The following RIMS2 variants were observed in gnomAD, a reference collection of about 807,000 sequenced individuals.
RIMS2 encodes regulating synaptic membrane exocytosis 2, also known as regulating synaptic membrane exocytosis protein 2.
Under a neutral mutation model 174.4 loss-of-function variants are expected in RIMS2, and 59 were observed. The observed-to-expected ratio is 0.34, with a 90% CI of 0.27 to 0.42. The LOEUF (loss-of-function observed/expected upper bound fraction) is 0.42, where lower values mean the gene tolerates loss of function less well. Ranked by LOEUF, RIMS2 falls within the 10% of genes least tolerant of loss-of-function variation. The probability of loss-of-function intolerance (pLI) is 1.00; values close to 1 mark genes in which losing one functional copy is unlikely to be tolerated. For synonymous variants in RIMS2, 606 were observed against 572.5 expected, an observed-to-expected ratio of 1.06 and a Z score of -0.84; for missense variants, 1,620 against 1,666.3, an observed-to-expected ratio of 0.97 and a Z score of 0.48.
At chr8:103,810,931 T>TTGTGCAAA (rs2098682872) in intron 3 of RIMS2, among the ~76,000 whole-genome samples, 1 of 152,212 alleles carries the variant, frequency 6.6e-6, no homozygotes, top group Non-Finnish European at 1.5e-5. Context: ...ACATTTATAG[T>TTGTGCAAA]TGTGCAAATG....
intron 2 of RIMS2, among the ~76,000 whole-genome samples, chr8:103,745,688 A>G (rs1365046304): frequency 6.6e-6 from 1 of 152,144 alleles, no homozygotes; most frequent in Non-Finnish European, 1.5e-5. Flanking sequence ...GTATCTCATT[A>G]TGGCTTTTGA....
At chr8:103,586,815 G>T (rs1185068091) in intron 1 of RIMS2, among the ~76,000 whole-genome samples, 3 of 151,796 alleles carry the variant, frequency 2.0e-5, no homozygotes, top group African/African-American at 7.2e-5. Flanking sequence ...TTTTTGAATT[G>T]TTAAAAAAAT....
intron 15 of RIMS2, among the ~76,000 whole-genome samples, chr8:103,969,758 T>TC (rs2092633526): frequency 6.6e-6 from 1 of 151,490 alleles, no homozygotes; most frequent in Admixed American, 6.6e-5. Flanking sequence ...TTTTTCTTTC[T>TC]TTTTTTTTAG....
intron 14 of RIMS2, among the ~76,000 whole-genome samples, chr8:103,955,424 T>C (rs2086825154): frequency 6.6e-6 from 1 of 152,180 alleles, no homozygotes; most frequent in Admixed American, 6.5e-5. Context: ...GATTCATCCC[T>C]GGGATTCAAG....
exon 14 of RIMS2, chr8:103,942,848 T>C (rs867148364): frequency 6.2e-7 from 1 of 1,613,130 alleles, no homozygotes. Flanking sequence ...TGATGTCTCT[T>C]CATTGCCACT....
intron 19 of RIMS2, among the ~76,000 whole-genome samples, chr8:104,119,507 A>G (rs2098338461): frequency 1.3e-5 from 2 of 152,236 alleles, no homozygotes; most frequent in Admixed American, 1.3e-4. Context: ...AACATTTTCA[A>G]ACTTAAAAAT....
intron 17 of RIMS2, among the ~76,000 whole-genome samples, chr8:104,004,138 T>C (rs2095487833): frequency 6.6e-6 from 1 of 152,164 alleles, no homozygotes; most frequent in Non-Finnish European, 1.5e-5. Context: ...AGAGGAAATA[T>C]CTAGCAGGAA....
At chr8:103,885,377 G>T in exon 4 of RIMS2, 1 of 1,612,566 alleles carries the variant, frequency 6.2e-7, no homozygotes, top group Non-Finnish European at 8.5e-7. Context: ...TTCACAGTAT[G>T]CTACTTCGGA....
At chr8:103,557,767 G>C (rs2090768262) in intron 1 of RIMS2, among the ~76,000 whole-genome samples, 5 of 152,008 alleles carry the variant, frequency 3.3e-5, no homozygotes, top group Admixed American at 3.3e-4. Context: ...TAACTAAATT[G>C]TAACCTTTTC....
At chr8:103,790,236 G>C (rs1399965457) in intron 3 of RIMS2, among the ~76,000 whole-genome samples, 1 of 152,150 alleles carries the variant, frequency 6.6e-6, no homozygotes, top group Non-Finnish European at 1.5e-5. Context: ...TGGAAAACTT[G>C]TGCCCATTAG....
At chr8:103,939,659 G>A (rs955238206) in intron 13 of RIMS2, among the ~76,000 whole-genome samples, 4 of 152,098 alleles carry the variant, frequency 2.6e-5, no homozygotes, top group Admixed American at 6.5e-5. Context: ...CTTTTCTATC[G>A]CATTGTCAGG....
intron 19 of RIMS2, among the ~76,000 whole-genome samples, chr8:104,076,887 G>A (rs2097303625): frequency 1.3e-5 from 2 of 151,338 alleles, no homozygotes; most frequent in African/African-American, 4.9e-5. Context: ...CGTGATCTCA[G>A]GTCACTGCAA....
chr8:103,745,643 T>TA (rs1243337276), intron 2 of RIMS2, among the ~76,000 whole-genome samples: 1 of 152,178 alleles, frequency 6.6e-6, no homozygotes, highest in Non-Finnish European at 1.5e-5. Flanking sequence ...TCTGTTCTTT[T>TA]AAAAAATGAC....
At chr8:104,143,522 C>T (rs1384112494) in intron 19 of RIMS2, among the ~76,000 whole-genome samples, 1 of 152,066 alleles carries the variant, frequency 6.6e-6, no homozygotes, top group African/African-American at 2.4e-5. Context: ...ATTTGTGGCA[C>T]CTGGCTCAGG....
intron 19 of RIMS2, among the ~76,000 whole-genome samples, chr8:104,190,021 T>G (rs2249124): frequency 0.3 from 46,259 of 151,874 alleles, 7,534 homozygotes; most frequent in African/African-American, 0.39. Context: ...GACAGACACA[T>G]ATTACAGCAT....
intron 1 of RIMS2, chr8:103,568,849 G>T: frequency 1.7e-6 from 2 of 1,160,458 alleles, no homozygotes; most frequent in Non-Finnish European, 2.6e-6. Flanking sequence ...TTAGCTGGCT[G>T]GTCTTTGTTA....
At chr8:103,561,133 T>C (rs2091522957) in intron 1 of RIMS2, among the ~76,000 whole-genome samples, 1 of 152,228 alleles carries the variant, frequency 6.6e-6, no homozygotes, top group South Asian at 2.1e-4. Flanking sequence ...TGCGGCTTTT[T>C]CCTCTCTGTG....
At chr8:103,978,973 C>G (rs1265503511) in intron 16 of RIMS2, among the ~76,000 whole-genome samples, 1 of 152,014 alleles carries the variant, frequency 6.6e-6, no homozygotes, top group African/African-American at 2.4e-5. Flanking sequence ...TAACTGGTAA[C>G]AAAAACTTGT....
At position 103,888,515 on chromosome 8, in the gene RIMS2, C is replaced by A. The variant is rs577814590; in HGVS notation, c.1624+2292C>A. On this transcript the variant is annotated intron_variant, in intron 4 of 23. Coordinates refer to ENST00000504942, the Ensembl canonical transcript of RIMS2. The stretch of plus-strand genomic sequence containing the variant: ...ATAAGAAAAAAGATAGTTTTGTTAT[C>A]TTTGGTGGTTTGGTTTAGATTCTAT... Among the ~76,000 whole-genome samples, 44 of 151,398 alleles carry A rather than the reference C, an allele frequency of 2.9e-4. 1 individual carries two copies. Among genetic ancestry groups the A allele is most frequent in the African/African-American group, 1.0e-3 (43 of 41,456 alleles).
Sources: allele counts gnomAD v4.1 joint callset (sites outside exome capture counted in the v4.1 genomes callset), GRCh38; gene constraint gnomAD v4.1.1; transcripts MANE v1.5; gene names NCBI Gene and HGNC (gene_info 2026-07-23, HGNC 2026-07-21).